CUX1: variants seen among roughly 807,000 people sequenced by gnomAD.
The protein encoded by CUX1 is protein CASP.
A neutral mutation model predicts 158.8 loss-of-function variants in CUX1; 31 were observed. The observed-to-expected ratio is 0.20, with a 90% CI of 0.15 to 0.26. The LOEUF (loss-of-function observed/expected upper bound fraction) is 0.26, where lower values mean the gene tolerates loss of function less well. Among genes scored for constraint, CUX1 ranks in the 10% least tolerant of loss-of-function variants. The pLI is 1.00. For synonymous variants in CUX1, 879 were observed against 862.1 expected, an observed-to-expected ratio of 1.02 and a Z score of -0.34; for missense variants, 1,589 against 2,014.6, an observed-to-expected ratio of 0.79 and a Z score of 4.04.
At chr7:102,036,743 A>G (rs577423642) in intron 3 of CUX1, among the ~76,000 whole-genome samples, 4 of 151,340 alleles carry the variant, frequency 2.6e-5, no homozygotes, top group Admixed American at 2.6e-4. Flanking sequence ...CTCCATCTCA[A>G]AAAAACAAGC....
chr7:102,277,762 A>C (rs539636640), intron 17 of CUX1, among the ~76,000 whole-genome samples: 1 of 152,266 alleles, frequency 6.6e-6, no homozygotes, highest in East Asian at 1.9e-4. Context: ...ACATATGAAG[A>C]AACCTGACCC....
intron 2 of CUX1, among the ~76,000 whole-genome samples, chr7:101,950,646 C>T (rs1438695392): frequency 3.3e-5 from 5 of 152,224 alleles, no homozygotes; most frequent in African/African-American, 9.6e-5. Flanking sequence ...TTCTGGGCTA[C>T]AGCAGCAGAG....
intron 3 of CUX1, among the ~76,000 whole-genome samples, chr7:102,068,819 G>A (rs1825825304): frequency 6.6e-6 from 1 of 152,210 alleles, no homozygotes; most frequent in African/African-American, 2.4e-5. Flanking sequence ...TGTTTCGGCT[G>A]TAAAGTGCGA....
intron 4 of CUX1, among the ~76,000 whole-genome samples, chr7:102,077,613 A>G (rs73405998): frequency 0.053 from 8,030 of 150,278 alleles, 679 homozygotes; most frequent in African/African-American, 0.18. Flanking sequence ...ACATAGCAAG[A>G]CCCTCCCATC....
intron 2 of CUX1, among the ~76,000 whole-genome samples, chr7:101,918,011 AAAAC>A (rs1373001602): frequency 1.3e-5 from 2 of 152,236 alleles, no homozygotes; most frequent in Admixed American, 6.5e-5. Context: ...TTTGTGGTTA[AAAAC>A]AAACAAAGAA....
At chr7:101,968,944 A>G (rs939860638) in intron 2 of CUX1, among the ~76,000 whole-genome samples, 3 of 152,090 alleles carry the variant, frequency 2.0e-5, no homozygotes, top group Non-Finnish European at 4.4e-5. Context: ...GCTGTGGGCT[A>G]GTGGTGAGAG....
intron 6 of CUX1, among the ~76,000 whole-genome samples, chr7:102,108,155 C>T (rs1418106905): frequency 6.6e-6 from 1 of 151,964 alleles, no homozygotes; most frequent in Non-Finnish European, 1.5e-5. Flanking sequence ...GTTATGTCAC[C>T]GTTAAAATAT....
intron 4 of CUX1, among the ~76,000 whole-genome samples, chr7:102,093,460 T>A (rs983876366): frequency 2.0e-5 from 3 of 152,164 alleles, no homozygotes; most frequent in Non-Finnish European, 2.9e-5. Flanking sequence ...GTGCTGAGAT[T>A]ACAGGTGTGA....
At position 102,201,946 on chromosome 7, in the gene CUX1, C is replaced by T; in HGVS notation, c.2649C>T (p.Pro883=). 1 of 1,614,060 alleles carries T rather than the reference C, an allele frequency of 6.2e-7. No homozygotes were observed. The highest frequency in any genetic ancestry group is 8.5e-7 in the Non-Finnish European group (1 of 1,180,026). The change falls in exon 18 of 24, where the codon CCC becomes CCT. Residue 883 remains proline, a synonymous_variant. Transcript: ENST00000292535. This position sits in a 1 kb window ranked among gnomAD's most constrained non-coding sequence, Gnocchi z 5.0. Reference sequence around the variant, plus strand: ...CGTCAGAGTACTGGAAGGAGTGGCCCAGCGCTGAGTCCCCATACTCCCAGA... The same window carrying T: ...CGTCAGAGTACTGGAAGGAGTGGCCTAGCGCTGAGTCCCCATACTCCCAGA... ...PSSSEYWKEW[P]SAESPYSQSS...
chr7:101,844,235 C>G (rs973819845), intron 1 of CUX1, among the ~76,000 whole-genome samples: 26 of 140,138 alleles, frequency 1.9e-4, no homozygotes, highest in Non-Finnish European at 3.1e-4. Flanking sequence ...CGGAAGGCTG[C>G]ATCTCCCTGG....
At chr7:101,864,436 A>G (rs977038780) in intron 1 of CUX1, among the ~76,000 whole-genome samples, 1 of 152,138 alleles carries the variant, frequency 6.6e-6, no homozygotes, top group Non-Finnish European at 1.5e-5. Flanking sequence ...TGCTGGGGTT[A>G]TAGGGGTGAG....
At chr7:102,158,025 A>G (rs1789968882) in intron 8 of CUX1, among the ~76,000 whole-genome samples, 2 of 152,006 alleles carry the variant, frequency 1.3e-5, no homozygotes, top group Admixed American at 1.3e-4. Flanking sequence ...CCTCACCTCC[A>G]GTTGGCCACC....
intron 8 of CUX1, among the ~76,000 whole-genome samples, chr7:102,120,552 A>G (rs1326549973): frequency 1.3e-5 from 2 of 152,242 alleles, no homozygotes; most frequent in African/African-American, 4.8e-5. Context: ...CTTACATAGT[A>G]CGGTTACAAA....
intron 1 of CUX1, among the ~76,000 whole-genome samples, chr7:101,874,393 G>A (rs1388081299): frequency 6.6e-6 from 1 of 152,186 alleles, no homozygotes; most frequent in Non-Finnish European, 1.5e-5. Flanking sequence ...AAAAGCAGCG[G>A]AAACATGGTG....
rs1015383338 is a variant in CUX1, at chr7:101,817,875, T to C, written c.30+206T>C. Among the ~76,000 whole-genome samples the C allele has an allele frequency of 4.6e-5, 7 of 152,148 alleles. No homozygotes were observed. The highest frequency in any genetic ancestry group is 3.9e-4 in the Admixed American group (6 of 15,278). On this transcript the variant is annotated intron_variant, in intron 1 of 23. Coordinates refer to ENST00000292535, the MANE Select transcript of CUX1 (RefSeq NM_181552.4). The surrounding 1 kb of genome is among the most constrained non-coding windows in gnomAD (Gnocchi z 4.1). ...CGTGAAGATAAACTTGGCTGAACTT[T>C]CCTAACCTGGAGGACTGGTGACAGT...
intron 6 of CUX1, among the ~76,000 whole-genome samples, chr7:102,106,070 TTC>T (rs1830311239): frequency 6.9e-6 from 1 of 144,866 alleles, no homozygotes; most frequent in South Asian, 2.2e-4. Context: ...TGGTGAACTT[TTC>T]TTTTTTCTTT....
At position 101,916,135 on chromosome 7, in the gene CUX1, A is replaced by C; in HGVS notation, c.51A>C (p.Ala17=). 1.9e-6 allele frequency: 3 copies of C among 1,613,694 alleles called. No individual in the cohort carries two copies. The highest frequency in any genetic ancestry group is 2.7e-5 in the African/African-American group (2 of 75,002). The change falls in exon 2 of 24, where the codon GCA becomes GCC. Residue 17 remains alanine, a synonymous_variant. Coordinates refer to ENST00000292535, the MANE Select transcript of CUX1 (RefSeq NM_181552.4). This position sits in a 1 kb window ranked among gnomAD's most constrained non-coding sequence, Gnocchi z 4.4. The part of the protein sequence containing the change: ...ARLKRELDAT[A]TVLANRQDES... ...AACAGAGAGAACTCGATGCCACCGC[A>C]ACGGTATTGGCGAACCGGCAGGATG...
chr7:101,977,101 T>C (rs941661129), intron 2 of CUX1, among the ~76,000 whole-genome samples: 1 of 151,682 alleles, frequency 6.6e-6, no homozygotes, highest in East Asian at 1.9e-4. Flanking sequence ...TTAGTAGAGA[T>C]GGGGCTTCAC....
chr7:101,993,984 CAGACGT>C (rs1815484245), intron 2 of CUX1, among the ~76,000 whole-genome samples: 2 of 152,332 alleles, frequency 1.3e-5, no homozygotes, highest in Middle Eastern at 3.4e-3. Context: ...ATTCATGCTG[CAGACGT>C]AGCACTCCCA....
Sources: allele counts gnomAD v4.1 joint callset (sites outside exome capture counted in the v4.1 genomes callset), GRCh38; gene constraint gnomAD v4.1.1; non-coding constraint Gnocchi (gnomAD v3.1); transcripts MANE v1.5; gene names NCBI Gene and HGNC (gene_info 2026-07-23, HGNC 2026-07-21).